Variants in CDK15 observed in about 807,000 individuals in gnomAD.
CDK15 encodes cyclin-dependent kinase 15.
CDK15 carries 62 observed loss-of-function variants against 60.3 expected under a neutral mutation model. The observed-to-expected ratio is 1.03, with a 90% confidence interval of 0.84 to 1.27. The LOEUF is 1.27. CDK15 is among the 50% of genes most tolerant of loss of function. The pLI, the probability that CDK15 is intolerant of heterozygous loss-of-function variation, is 0.00. For synonymous variants in CDK15, 194 were observed against 195.7 expected, an observed-to-expected ratio of 0.99 and a Z score of 0.07; for missense variants, 541 against 527.8, an observed-to-expected ratio of 1.03 and a Z score of -0.25.
intron 11 of CDK15, among the ~76,000 whole-genome samples, chr2:201,875,935 A>G (rs1319156569): frequency 6.6e-6 from 1 of 152,228 alleles, no homozygotes; most frequent in East Asian, 1.9e-4. Flanking sequence ...TTGAAATGTT[A>G]CTAGAAGGAC....
intron 11 of CDK15, among the ~76,000 whole-genome samples, chr2:201,879,318 T>C (rs1699188878): frequency 6.6e-6 from 1 of 152,242 alleles, no homozygotes; most frequent in Non-Finnish European, 1.5e-5. Flanking sequence ...TTTAGAATTC[T>C]GTGCTTTTCC....
At chr2:201,812,379 G>A in intron 3 of CDK15, 104 bp from the exon 4 acceptor site, 1 of 666,494 alleles carries the variant, frequency 1.5e-6, no homozygotes, top group Middle Eastern at 2.6e-4. Context: ...TTATATGCTA[G>A]AATATATTTT....
At chr2:201,864,660 CA>C (rs1299924309) in intron 10 of CDK15, among the ~76,000 whole-genome samples, 149 of 152,292 alleles carry the variant, frequency 9.8e-4, no homozygotes, top group African/African-American at 3.4e-3. Flanking sequence ...CTTGGCCTCC[CA>C]AAGTGCCGGG....
intron 11 of CDK15, among the ~76,000 whole-genome samples, chr2:201,873,214 A>T: frequency 6.6e-6 from 1 of 152,232 alleles, no homozygotes; most frequent in Non-Finnish European, 1.5e-5. Flanking sequence ...GGGTACAAAG[A>T]GTAAAATAGG....
At position 201,865,889 on chromosome 2, in the gene CDK15, C is replaced by CAA. The variant is rs1262940691; in HGVS notation, c.1010-6388_1010-6387dup. 6.4e-3 allele frequency among the ~76,000 whole-genome samples: 158 copies of CAA among 24,830 alleles called. 10 individuals are homozygous for CAA. Among genetic ancestry groups the CAA allele is most frequent in the African/African-American group, 0.019 (148 of 7,602 alleles). The allele number at this position is 24,830 out of a possible 152,430, so 16.3% of individuals were successfully genotyped here. A position where few individuals can be genotyped will look rare whatever the true frequency, so the allele number is the denominator to read the frequency against. On this transcript the variant is annotated intron_variant, in intron 10 of 13. Transcript: ENST00000652192. ...TGGGCGACAGAGCAAGATTCCATCT[C>CAA]AACAAAAAAAAAAAAAAAAAAAAAA...
intron 9 of CDK15, among the ~76,000 whole-genome samples, chr2:201,848,853 A>G (rs1365518630): frequency 6.6e-6 from 1 of 152,088 alleles, no homozygotes; most frequent in Non-Finnish European, 1.5e-5. Context: ...AATTACTGAC[A>G]TTAAATTTTC....
chr2:201,881,227 C>T (rs1030551740), intron 12 of CDK15, among the ~76,000 whole-genome samples: 17 of 152,106 alleles, frequency 1.1e-4, no homozygotes, highest in Admixed American at 7.2e-4. Flanking sequence ...CAGTCCAAAG[C>T]GCTTAGTTTG....
intron 10 of CDK15, among the ~76,000 whole-genome samples, chr2:201,868,709 G>A (rs1464860000): frequency 8.1e-5 from 12 of 148,922 alleles, no homozygotes; most frequent in Non-Finnish European, 1.3e-4. Context: ...CCATCAAAAA[G>A]TAGGCAAAGG....
At chr2:201,878,253 A>G (rs1699154089) in intron 11 of CDK15, among the ~76,000 whole-genome samples, 1 of 152,192 alleles carries the variant, frequency 6.6e-6, no homozygotes, top group South Asian at 2.1e-4. Flanking sequence ...CAAGCATTGT[A>G]AGTAAATGGG....
At chr2:201,844,884 C>T (rs985958497) in intron 8 of CDK15, among the ~76,000 whole-genome samples, 2 of 152,138 alleles carry the variant, frequency 1.3e-5, no homozygotes, top group Admixed American at 1.3e-4. Flanking sequence ...TGTGGTGGCT[C>T]ACACCTGTAA....
At chr2:201,854,559 A>G (rs1698058882) in intron 9 of CDK15, among the ~76,000 whole-genome samples, 1 of 152,208 alleles carries the variant, frequency 6.6e-6, no homozygotes, top group Admixed American at 6.5e-5. Context: ...GTCCTAATGC[A>G]TGATAATCAT....
chr2:201,872,533 TC>T (rs1257311824), intron 11 of CDK15, among the ~76,000 whole-genome samples: 19 of 152,234 alleles, frequency 1.2e-4, no homozygotes, highest in African/African-American at 4.6e-4. Flanking sequence ...GTGAGTTTGG[TC>T]GTTAAAATTG....
chr2:201,854,676 TAC>T (rs1439536178), intron 9 of CDK15, 196 bp from the exon 10 acceptor site: 1 of 577,586 alleles, frequency 1.7e-6, no homozygotes, highest in African/African-American at 1.9e-5. Flanking sequence ...AGGAATGTAT[TAC>T]AGTTTTGCCC....
intron 11 of CDK15, among the ~76,000 whole-genome samples, chr2:201,873,812 G>A (rs1698956393): frequency 1.3e-5 from 2 of 152,188 alleles, no homozygotes; most frequent in African/African-American, 2.4e-5. Context: ...CAGCATTTTG[G>A]GAGGACGAGG....
At position 201,833,855 on chromosome 2, in the gene CDK15, T is replaced by C. The variant is rs772862888; in HGVS notation, c.614T>C (p.Met205Thr). The C allele has an allele frequency of 6.2e-7, 1 of 1,613,840 alleles. No homozygotes were observed. Among genetic ancestry groups the C allele is most frequent in the Non-Finnish European group, 8.5e-7 (1 of 1,179,862 alleles). ...AGTGTTTCTTCCTTCCAGCTTTTCATGTTTCAACTTTTGCGGGGCCTGGCG... is the reference window on the plus strand; with the variant it reads ...AGTGTTTCTTCCTTCCAGCTTTTCACGTTTCAACTTTTGCGGGGCCTGGCG... ...GLHPHNVRLF[M>T]FQLLRGLAYI... Residue 205 changes from methionine to threonine, a missense_variant, in exon 7 of 14, where the codon ATG (methionine) becomes ACG (threonine). By Grantham distance (81) the Met-to-Thr change is moderately conservative. Transcript: ENST00000652192.
intron 6 of CDK15, among the ~76,000 whole-genome samples, chr2:201,833,507 A>G (rs1696850436): frequency 6.6e-6 from 1 of 152,114 alleles, no homozygotes; most frequent in Admixed American, 6.6e-5. Context: ...AAAAAATTAA[A>G]TCTTTCACAT....
intron 8 of CDK15, among the ~76,000 whole-genome samples, chr2:201,836,801 A>G (rs1459698028): frequency 1.4e-4 from 18 of 130,864 alleles, no homozygotes; most frequent in African/African-American, 4.5e-4. Flanking sequence ...CTGGTTTAGG[A>G]AAAAAAAAAA....
intron 6 of CDK15, among the ~76,000 whole-genome samples, chr2:201,832,949 G>T (rs1482735810): frequency 2.6e-5 from 4 of 152,218 alleles, no homozygotes; most frequent in African/African-American, 7.2e-5. Flanking sequence ...ACTGATGTTG[G>T]TGTTTGAATT....
intron 11 of CDK15, among the ~76,000 whole-genome samples, chr2:201,877,089 C>T (rs1181131540): frequency 6.6e-6 from 1 of 152,204 alleles, no homozygotes; most frequent in East Asian, 1.9e-4. Flanking sequence ...TGAGGCACAG[C>T]TCTGGCCAAA....
Sources: allele counts gnomAD v4.1 joint callset (sites outside exome capture counted in the v4.1 genomes callset), GRCh38; gene constraint gnomAD v4.1.1; transcripts MANE v1.5; gene names NCBI Gene and HGNC (gene_info 2026-07-23, HGNC 2026-07-21).